WDR27: variants seen among roughly 807,000 people sequenced by gnomAD.
The protein encoded by WDR27 is WD repeat-containing protein 27.
A neutral mutation model predicts 114.4 loss-of-function variants in WDR27; 100 were observed. The ratio of observed to expected loss-of-function variants is 0.87; its 90% CI spans 0.74 to 1.03. The LOEUF is 1.03. Among genes scored for constraint, WDR27 ranks in the 50% least tolerant of loss-of-function variants. The pLI, the probability that WDR27 is intolerant of heterozygous loss-of-function variation, is 0.00. For missense variants in WDR27, 1,129 were observed against 1,092.9 expected, an observed-to-expected ratio of 1.03 and a Z score of -0.47; for synonymous variants, 449 against 423.1, an observed-to-expected ratio of 1.06 and a Z score of -0.75.
intron 8 of WDR27, 46 bp downstream of exon 8, chr6:169,664,120 G>C: frequency 6.6e-7 from 1 of 1,515,002 alleles, no homozygotes; most frequent in Non-Finnish European, 8.9e-7. Flanking sequence ...CCTGGTGAAA[G>C]ATCTGGGCCA....
intron 14 of WDR27, among the ~76,000 whole-genome samples, chr6:169,651,715 G>A (rs934485357): frequency 5.3e-5 from 8 of 152,164 alleles, no homozygotes; most frequent in African/African-American, 1.7e-4. Flanking sequence ...CTGAGGCCCA[G>A]CACATGGTGA....
intron 25 of WDR27, among the ~76,000 whole-genome samples, chr6:169,499,637 A>C (rs574184005): frequency 6.6e-6 from 1 of 152,340 alleles, no homozygotes; most frequent in South Asian, 2.1e-4. Context: ...TACATTTGTG[A>C]GCACAGAACT....
intron 25 of WDR27, among the ~76,000 whole-genome samples, chr6:169,481,977 C>G (rs1300152282): frequency 6.6e-6 from 1 of 152,204 alleles, no homozygotes; most frequent in Non-Finnish European, 1.5e-5. Flanking sequence ...GAGTACATCC[C>G]AGTGTCTGTT....
intron 25 of WDR27, among the ~76,000 whole-genome samples, chr6:169,505,285 G>A (rs1033235994): frequency 6.6e-6 from 1 of 152,112 alleles, no homozygotes; most frequent in Non-Finnish European, 1.5e-5. Context: ...GCAGCAGGGG[G>A]AGTTAATGTT....
At chr6:169,604,008 T>C (rs1808603632) in intron 22 of WDR27, among the ~76,000 whole-genome samples, 1 of 152,006 alleles carries the variant, frequency 6.6e-6, no homozygotes. Flanking sequence ...CCAAAAAAAC[T>C]AGAAAGATCA....
At chr6:169,492,417 A>G (rs1455424010) in intron 25 of WDR27, among the ~76,000 whole-genome samples, 1 of 152,144 alleles carries the variant, frequency 6.6e-6, no homozygotes. Context: ...AATCCAGAAA[A>G]ACAAAGGCAA....
At chr6:169,559,560 A>G (rs1008007034) in intron 25 of WDR27, 1 of 152,216 alleles carries the variant, frequency 6.6e-6, no homozygotes, top group Non-Finnish European at 1.5e-5. Context: ...TCTCACAGAA[A>G]TAAGAAACTT....
chr6:169,694,977 G>C (rs4716381), intron 1 of WDR27, among the ~76,000 whole-genome samples: 5 of 152,238 alleles, frequency 3.3e-5, no homozygotes, highest in Admixed American at 3.3e-4. Context: ...CTGGGACAGA[G>C]ACCTCTCCAC....
intron 1 of WDR27, among the ~76,000 whole-genome samples, chr6:169,691,735 C>A (rs542872713): frequency 2.0e-5 from 3 of 152,218 alleles, no homozygotes; most frequent in East Asian, 1.9e-4. Flanking sequence ...TACTTGTATG[C>A]CAATTTGCAG....
In WDR27 at chr6:169,649,291, T is replaced by A; in HGVS notation, c.1482-16A>T. 1 of 1,550,980 alleles carries A rather than the reference T, an allele frequency of 6.4e-7. No individual in the cohort carries two copies. Among genetic ancestry groups the A allele is most frequent in the Non-Finnish European group, 8.7e-7 (1 of 1,143,142 alleles). On this transcript the variant is annotated splice_polypyrimidine_tract_variant and intron_variant, in intron 14 of 25. Coordinates refer to ENST00000448612, the MANE Select transcript of WDR27 (RefSeq NM_182552.5). ...CATAGTTACACTGTGGAAAGAAAACTCTAATATCACTCTCAAATATTAAGA... is the reference window on the plus strand; with the variant it reads ...CATAGTTACACTGTGGAAAGAAAACACTAATATCACTCTCAAATATTAAGA...
chr6:169,544,576 C>T (rs1215602990), intron 25 of WDR27, among the ~76,000 whole-genome samples: 1 of 152,060 alleles, frequency 6.6e-6, no homozygotes, highest in Admixed American at 6.6e-5. Context: ...GTAGCTGGGA[C>T]CACAGGCACC....
At chr6:169,444,167 T>C in the WDR27 span, among the ~76,000 whole-genome samples, 4 of 152,210 alleles carry the variant, frequency 2.6e-5, no homozygotes, top group Non-Finnish European at 1.5e-5. Context: ...GATCCCTATT[T>C]GCCCATATCC....
chr6:169,510,185 A>T (rs997551645), intron 25 of WDR27, among the ~76,000 whole-genome samples: 1 of 152,196 alleles, frequency 6.6e-6, no homozygotes, highest in Non-Finnish European at 1.5e-5. Flanking sequence ...TGTTGGTGGG[A>T]CTGTAAACTA....
rs796212097 is a variant in WDR27, at chr6:169,651,824, T to G, written c.1481+106A>C. ...TCTGTTTCTATTGCTATGTCCTCTC[T>G]CCATACTGTGGCCCTCGGGGATGTA... is the stretch of plus-strand genomic sequence containing the variant. On this transcript the variant is annotated intron_variant, in intron 14 of 25. Coordinates refer to ENST00000448612, the MANE Select transcript of WDR27 (RefSeq NM_182552.5). 14 of 982,152 alleles carry G rather than the reference T, an allele frequency of 1.4e-5. No homozygotes were observed. In the African/African-American group the frequency reaches 1.8e-4, roughly 13 times the overall value. The allele number at this position is 982,152 out of a possible 1,614,324, so 60.8% of individuals were successfully genotyped here. A position where few individuals can be genotyped will look rare whatever the true frequency, so the allele number is the denominator to read the frequency against.
chr6:169,646,747 C>CAAAAAAAA (rs201219275), intron 16 of WDR27, among the ~76,000 whole-genome samples: 1 of 78,566 alleles, frequency 1.3e-5, no homozygotes, highest in Non-Finnish European at 2.7e-5. Context: ...GTCTCTGTCT[C>CAAAAAAAA]AAAAAAAAAA....
chr6:169,548,804 T>C (rs78187919), intron 25 of WDR27, among the ~76,000 whole-genome samples: 7 of 151,918 alleles, frequency 4.6e-5, no homozygotes, highest in East Asian at 1.9e-4. Context: ...ATGAAGAAAA[T>C]AGTCTTTAAC....
At chr6:169,579,597 A>G (rs577152264) in intron 24 of WDR27, among the ~76,000 whole-genome samples, 2 of 152,340 alleles carry the variant, frequency 1.3e-5, no homozygotes, top group South Asian at 4.1e-4. Context: ...ATTCATCTGC[A>G]TAAGACACTC....
At chr6:169,561,267 A>G (rs61630061) in intron 25 of WDR27, among the ~76,000 whole-genome samples, 2,461 of 152,176 alleles carry the variant, frequency 0.016, 64 homozygotes, top group African/African-American at 0.057. Flanking sequence ...TGGGGGCATT[A>G]ATTCCTGTCA....
intron 17 of WDR27, among the ~76,000 whole-genome samples, chr6:169,640,125 C>G (rs1322845347): frequency 1.3e-5 from 2 of 152,276 alleles, no homozygotes; most frequent in Non-Finnish European, 1.5e-5. Flanking sequence ...ACCTGCTCGA[C>G]GACCCCATTT....
Sources: allele counts gnomAD v4.1 joint callset (sites outside exome capture counted in the v4.1 genomes callset), GRCh38; gene constraint gnomAD v4.1.1; transcripts MANE v1.5; gene names NCBI Gene and HGNC (gene_info 2026-07-23, HGNC 2026-07-21).